The following GALNT13 variants were observed in gnomAD, a reference collection of about 807,000 sequenced individuals.
GALNT13 encodes UDP-GalNAc:polypeptide N-acetylgalactosaminyltransferase 13.
A neutral mutation model predicts 64.2 loss-of-function variants in GALNT13; 28 were observed. The ratio of observed to expected loss-of-function variants is 0.44; its 90% CI spans 0.32 to 0.60. GALNT13 has a LOEUF of 0.60. Ranked by LOEUF, GALNT13 falls within the 20% of genes least tolerant of loss-of-function variation. The probability of loss-of-function intolerance (pLI) is 0.05; values close to 1 mark genes in which losing one functional copy is unlikely to be tolerated. For synonymous variants in GALNT13, 214 were observed against 224.6 expected (o/e 0.95, Z 0.42); for missense variants, 577 against 669.8 (o/e 0.86, Z 1.53).
the GALNT13 span, among the ~76,000 whole-genome samples, chr2:153,717,960 A>G: frequency 1.3e-5 from 2 of 151,146 alleles, no homozygotes; most frequent in Admixed American, 6.6e-5. Context: ...TCTAAAAATT[A>G]GTTTTTTTTT....
At chr2:153,262,095 C>T in the GALNT13 span, among the ~76,000 whole-genome samples, 2 of 152,216 alleles carry the variant, frequency 1.3e-5, no homozygotes, top group Middle Eastern at 3.4e-3. Context: ...GACCGAGTCC[C>T]CTTTACTGTT....
chr2:153,162,295 T>A, the GALNT13 span, among the ~76,000 whole-genome samples: 1 of 152,234 alleles, frequency 6.6e-6, no homozygotes, highest in African/African-American at 2.4e-5. Flanking sequence ...TTTTCACATT[T>A]TTCATCCATT....
intron 8 of GALNT13, among the ~76,000 whole-genome samples, chr2:154,259,686 C>T (rs949700789): frequency 2.0e-5 from 3 of 151,948 alleles, no homozygotes; most frequent in Non-Finnish European, 4.4e-5. Flanking sequence ...TAAGTCCTTA[C>T]GAATATGTTA....
chr2:153,380,473 A>T, the GALNT13 span, among the ~76,000 whole-genome samples: 3 of 151,980 alleles, frequency 2.0e-5, no homozygotes, highest in South Asian at 2.1e-4. Flanking sequence ...TCCTCTCTCT[A>T]AATAATAATA....
the GALNT13 span, among the ~76,000 whole-genome samples, chr2:153,744,057 T>G: frequency 6.6e-6 from 1 of 152,164 alleles, no homozygotes. Context: ...TATGTACAAT[T>G]TTTTTAATCC....
chr2:154,341,113 A>G (rs1200126900), intron 9 of GALNT13, among the ~76,000 whole-genome samples: 2 of 152,138 alleles, frequency 1.3e-5, no homozygotes, highest in Non-Finnish European at 2.9e-5. Context: ...ACATTTGTGT[A>G]TCTTGATTTA....
At chr2:153,531,511 G>C in the GALNT13 span, among the ~76,000 whole-genome samples, 1 of 152,098 alleles carries the variant, frequency 6.6e-6, no homozygotes, top group East Asian at 1.9e-4. Context: ...TTCAACATGA[G>C]TGAGGACACA....
the GALNT13 span, among the ~76,000 whole-genome samples, chr2:153,143,869 A>G: frequency 6.6e-6 from 1 of 152,062 alleles, no homozygotes; most frequent in East Asian, 1.9e-4. Flanking sequence ...CTACTGGCTT[A>G]AAAGCTTTTC....
At chr2:153,543,747 A>T in the GALNT13 span, among the ~76,000 whole-genome samples, 1 of 152,242 alleles carries the variant, frequency 6.6e-6, no homozygotes, top group Non-Finnish European at 1.5e-5. Flanking sequence ...AGGTCACCTT[A>T]CGAATACATG....
At chr2:154,272,143 G>C (rs1316506471) in intron 8 of GALNT13, among the ~76,000 whole-genome samples, 1 of 151,896 alleles carries the variant, frequency 6.6e-6, no homozygotes, top group Non-Finnish European at 1.5e-5. Context: ...CATTGGAAAT[G>C]TTTTGTTGGA....
At chr2:154,042,888 C>T (rs1295097038) in intron 3 of GALNT13, among the ~76,000 whole-genome samples, 2 of 151,882 alleles carry the variant, frequency 1.3e-5, no homozygotes, top group Non-Finnish European at 2.9e-5. Flanking sequence ...TAATCTTAGT[C>T]TGGCGGGAAG....
intron 8 of GALNT13, among the ~76,000 whole-genome samples, chr2:154,263,127 G>A (rs549156420): frequency 2.3e-4 from 35 of 152,144 alleles, no homozygotes; most frequent in Non-Finnish European, 4.4e-4. Flanking sequence ...CTTGATGACA[G>A]CAAAGGACAC....
chr2:153,351,487 AGTTTAC>A, the GALNT13 span, among the ~76,000 whole-genome samples: 1 of 152,176 alleles, frequency 6.6e-6, no homozygotes, highest in Non-Finnish European at 1.5e-5. Flanking sequence ...CAGAATCCAT[AGTTTAC>A]GTTAGTTCAC....
the GALNT13 span, among the ~76,000 whole-genome samples, chr2:153,851,529 T>C: frequency 6.7e-6 from 1 of 148,558 alleles, no homozygotes; most frequent in Non-Finnish European, 1.5e-5. Flanking sequence ...TAGTGAGACC[T>C]TGTGTTTCCA....
intron 9 of GALNT13, among the ~76,000 whole-genome samples, chr2:154,375,320 G>A (rs983615390): frequency 2.0e-5 from 3 of 152,024 alleles, no homozygotes; most frequent in Non-Finnish European, 4.4e-5. Flanking sequence ...TAAGAAGACA[G>A]AGAGGACAGG....
At position 154,366,337 on chromosome 2, in the gene GALNT13, A is replaced by ATATG. The variant is rs556066234; in HGVS notation, c.1157-29650_1157-29647dup. 9.2e-5 allele frequency among the ~76,000 whole-genome samples: 14 copies of ATATG among 152,314 alleles called. No homozygotes were observed. In the South Asian group the frequency reaches 2.9e-3, roughly 32 times the overall value. ...AATATAATGTACATGTGTATTGCAT[A>ATATG]TATGTATATTACAAATTTAAGGATG... is the stretch of plus-strand genomic sequence containing the variant. On this transcript the variant is annotated intron_variant, in intron 9 of 12. Transcript: ENST00000392825.
chr2:153,770,740 C>T, the GALNT13 span, among the ~76,000 whole-genome samples: 1 of 152,204 alleles, frequency 6.6e-6, no homozygotes, highest in Non-Finnish European at 1.5e-5. Context: ...AGACAATGGG[C>T]TGATCTGTGT....
the GALNT13 span, among the ~76,000 whole-genome samples, chr2:153,722,789 A>C: frequency 3.3e-5 from 5 of 152,126 alleles, no homozygotes; most frequent in South Asian, 2.1e-4. Context: ...CAATAACAGG[A>C]GCTGAAATTG....
chr2:153,262,176 C>T, the GALNT13 span, among the ~76,000 whole-genome samples: 2 of 152,076 alleles, frequency 1.3e-5, no homozygotes, highest in African/African-American at 2.4e-5. Flanking sequence ...CTGGATCATA[C>T]CTGAAGCCAG....
Sources: gnomAD v4.1 joint callset for allele counts (sites outside exome capture counted in the v4.1 genomes callset) on GRCh38, gnomAD v4.1.1 for gene constraint, MANE v1.5 for transcripts, NCBI Gene and HGNC (gene_info 2026-07-23, HGNC 2026-07-21) for gene names.